CCDC73: variants seen among roughly 807,000 people sequenced by gnomAD.
The protein encoded by CCDC73 is coiled-coil domain-containing protein 73.
CCDC73 carries 95 observed loss-of-function variants against 116.5 expected under a neutral mutation model. That is an observed-to-expected ratio of 0.82 (90% confidence interval 0.69 to 0.97). The LOEUF (loss-of-function observed/expected upper bound fraction) is 0.97. CCDC73 is among the 50% of genes least tolerant of loss of function. The probability of loss-of-function intolerance (pLI) is 0.00; values close to 1 mark genes in which losing one functional copy is unlikely to be tolerated. For synonymous variants in CCDC73, 398 were observed against 401.3 expected (o/e 0.99, Z 0.10); for missense variants, 1,066 against 1,206.8 (o/e 0.88, Z 1.73).
At chr11:32,689,485 TA>T in intron 6 of CCDC73, among the ~76,000 whole-genome samples, 1 of 151,752 alleles carries the variant, frequency 6.6e-6, no homozygotes, top group Non-Finnish European at 1.5e-5. Context: ...CACCAATAAT[TA>T]AAAATAACAG....
chr11:32,762,881 A>G (rs1850404172), intron 1 of CCDC73, among the ~76,000 whole-genome samples: 2 of 152,126 alleles, frequency 1.3e-5, no homozygotes, highest in Admixed American at 1.3e-4. Flanking sequence ...GCACCTGGAA[A>G]ATCGAGTCAC....
chr11:32,639,134 C>T (rs1013029327), intron 13 of CCDC73, among the ~76,000 whole-genome samples: 2 of 149,592 alleles, frequency 1.3e-5, no homozygotes, highest in East Asian at 2.0e-4. Flanking sequence ...GGCAACAGAG[C>T]GAGACTCCAT....
intron 2 of CCDC73, 22 bp downstream of exon 2, chr11:32,760,087 A>T: frequency 6.4e-7 from 1 of 1,572,448 alleles, no homozygotes; most frequent in Non-Finnish European, 8.6e-7. Flanking sequence ...ATTTAACAAA[A>T]GCATTTTAAA....
intron 2 of CCDC73, among the ~76,000 whole-genome samples, chr11:32,731,939 C>T (rs911087566): frequency 4.6e-5 from 7 of 152,192 alleles, no homozygotes; most frequent in African/African-American, 2.4e-5. Context: ...GAGAAGAAGG[C>T]TTCAGAAGAT....
At chr11:32,630,654 T>C (rs900260488) in intron 14 of CCDC73, among the ~76,000 whole-genome samples, 4 of 152,190 alleles carry the variant, frequency 2.6e-5, no homozygotes, top group Non-Finnish European at 4.4e-5. Context: ...TTTTTGTAAA[T>C]ATAATTTTAC....
intron 9 of CCDC73, among the ~76,000 whole-genome samples, chr11:32,661,642 T>C (rs555740892): frequency 5.3e-5 from 8 of 152,014 alleles, no homozygotes; most frequent in African/African-American, 1.9e-4. Flanking sequence ...TCCTTTTTTA[T>C]GGCTGCATAG....
intron 1 of CCDC73, among the ~76,000 whole-genome samples, chr11:32,777,011 ATATATATATAT>A: frequency 7.0e-6 from 1 of 142,312 alleles, no homozygotes; most frequent in Non-Finnish European, 1.5e-5. Flanking sequence ...ATATATATAT[ATATATATATAT>A]AATTGAACTT....
the CCDC73 span, chr11:32,830,040 C>A: frequency 1.2e-5 from 12 of 987,148 alleles, no homozygotes; most frequent in East Asian, 7.9e-4. Flanking sequence ...GCCATCCAGA[C>A]CCTGCGGAGA....
At chr11:32,653,660 C>A (rs1467629155) in intron 11 of CCDC73, among the ~76,000 whole-genome samples, 1 of 152,014 alleles carries the variant, frequency 6.6e-6, no homozygotes, top group Non-Finnish European at 1.5e-5. Flanking sequence ...TTCTTTCACA[C>A]ATATTTTAAA....
At chr11:32,607,276 T>TCAAAA (rs1402699638) in intron 17 of CCDC73, among the ~76,000 whole-genome samples, 2 of 149,574 alleles carry the variant, frequency 1.3e-5, no homozygotes, top group Non-Finnish European at 3.0e-5. Flanking sequence ...GTATTTTTAG[T>TCAAAA]AGAGACGGGG....
intron 17 of CCDC73, chr11:32,603,527 A>T (rs1855304753): frequency 6.6e-6 from 1 of 152,292 alleles, no homozygotes; most frequent in Non-Finnish European, 1.5e-5. Context: ...ATTTGCTGCT[A>T]GCGTTTTTTT....
chr11:32,691,374 T>G (rs529362414), intron 6 of CCDC73, among the ~76,000 whole-genome samples: 1 of 152,242 alleles, frequency 6.6e-6, no homozygotes, highest in East Asian at 1.9e-4. Flanking sequence ...ACTGCCTCCA[T>G]CATTTTGCCT....
In CCDC73 at chr11:32,642,054, C is replaced by T. The variant is rs1565064404; in HGVS notation, c.968G>A (p.Arg323Lys). Residue 323 changes from arginine to lysine, a missense_variant, in exon 13 of 18, where the codon AGG becomes AAG. Arg to Lys is a conservative substitution (Grantham distance 26). Coordinates refer to ENST00000335185, the MANE Select transcript of CCDC73 (RefSeq NM_001008391.4). The part of the protein sequence containing the change: ...QTLERDNELQ[R>K]EKVKENEEKF... ...TTCTTCATTTTCTTTTACCTTCTCC[C>T]TTTGCAGCTCATTATCTCTTTCAAG... The T allele has an allele frequency of 1.9e-6, 3 of 1,568,964 alleles. No homozygotes were observed. Among genetic ancestry groups the T allele is most frequent in the African/African-American group, 2.7e-5 (2 of 73,164 alleles).
At chr11:32,794,000 A>G (rs1850700020) in intron 1 of CCDC73, among the ~76,000 whole-genome samples, 1 of 152,204 alleles carries the variant, frequency 6.6e-6, no homozygotes, top group African/African-American at 2.4e-5. Context: ...TGCTCGTGCA[A>G]GGCAGTTTGG....
At chr11:32,724,453 TA>T (rs1850014549) in intron 2 of CCDC73, among the ~76,000 whole-genome samples, 3 of 152,176 alleles carry the variant, frequency 2.0e-5, no homozygotes, top group Admixed American at 6.5e-5. Flanking sequence ...AAATGGTTTA[TA>T]AAAGGTTATC....
rs191749345 is a variant in CCDC73 at position 32,737,303 on chromosome 11, A to T, written c.136-19156T>A. Among the ~76,000 whole-genome samples, 23 of 150,694 alleles carry T rather than the reference A, an allele frequency of 1.5e-4. 1 individual carries two copies. The East Asian group carries it at 4.1e-3, about 27-fold the overall frequency. On this transcript the variant is annotated intron_variant, in intron 2 of 17. Transcript: ENST00000335185. ...TACATGGTCCATAGGATATTTTGAC[A>T]CAGGCATACATTACATAAAAGTCAC...
intron 9 of CCDC73, among the ~76,000 whole-genome samples, chr11:32,660,250 A>C (rs1855910597): frequency 6.6e-6 from 1 of 150,530 alleles, no homozygotes; most frequent in Non-Finnish European, 1.5e-5. Context: ...AAAAAAAAAA[A>C]AAAAACAGGT....
At chr11:32,631,769 T>C (rs1484700477) in intron 14 of CCDC73, among the ~76,000 whole-genome samples, 1 of 152,064 alleles carries the variant, frequency 6.6e-6, no homozygotes, top group Non-Finnish European at 1.5e-5. Context: ...CCTGGCAGAT[T>C]GAGGCTGCAG....
chr11:32,731,217 G>C (rs1370318996), intron 2 of CCDC73, among the ~76,000 whole-genome samples: 2 of 152,202 alleles, frequency 1.3e-5, no homozygotes, highest in African/African-American at 4.8e-5. Flanking sequence ...GTGGCAGCGA[G>C]GCTGGGGGAG....
Sources: allele counts gnomAD v4.1 joint callset (sites outside exome capture counted in the v4.1 genomes callset), GRCh38; gene constraint gnomAD v4.1.1; transcripts MANE v1.5; gene names NCBI Gene and HGNC (gene_info 2026-07-23, HGNC 2026-07-21).